ASCC2: variants seen among roughly 807,000 people sequenced by gnomAD.
ASCC2 encodes ASC-1 complex subunit P100.
Under a neutral mutation model 93.5 loss-of-function variants are expected in ASCC2, and 42 were observed. The ratio of observed to expected loss-of-function variants is 0.45; its 90% confidence interval spans 0.35 to 0.58. The LOEUF is 0.58. Ranked by LOEUF, ASCC2 falls within the 20% of genes least tolerant of loss-of-function variation. The pLI is 0.00. For missense variants in ASCC2, 859 were observed against 977.6 expected, an observed-to-expected ratio of 0.88 and a Z score of 1.62; for synonymous variants, 364 against 384.2, an observed-to-expected ratio of 0.95 and a Z score of 0.62.
At chr22:29,795,814 T>C (rs2058358240) in intron 15 of ASCC2, among the ~76,000 whole-genome samples, 1 of 152,070 alleles carries the variant, frequency 6.6e-6, no homozygotes, top group Admixed American at 6.6e-5. Context: ...TACCCAGGCC[T>C]GTGGAATGTA....
chr22:29,827,757 G>GACACACACACACACACAC lies in ASCC2; in HGVS notation c.82-1995_82-1978dup, dbSNP rs35763537. ...CTCAGGCCAGGCTACTCATTCTCCCGACACACACACACACACACACACACA... is the reference window on the plus strand; with the variant it reads ...CTCAGGCCAGGCTACTCATTCTCCCGACACACACACACACACACACACACACACACACACACACACACA... On this transcript the variant is annotated intron_variant, in intron 2 of 19. Coordinates refer to ENST00000307790, the MANE Select transcript of ASCC2 (RefSeq NM_032204.5). Among the ~76,000 whole-genome samples, 9 of 100,988 alleles carry GACACACACACACACACAC rather than the reference G, an allele frequency of 8.9e-5. 1 individual carries two copies. The highest frequency in any genetic ancestry group is 6.7e-4 in the East Asian group (2 of 3,000). The allele number at this position is 100,988 out of a possible 152,430, so 66.3% of individuals were successfully genotyped here. A position where few individuals can be genotyped will look rare whatever the true frequency, so the allele number is the denominator to read the frequency against.
chr22:29,806,765 C>T (rs1242320824), intron 10 of ASCC2, 32 bp downstream of exon 10: 3 of 1,564,364 alleles, frequency 1.9e-6, no homozygotes. Flanking sequence ...GGAGGAGACT[C>T]TTCCACCAGG....
At chr22:29,822,714 G>GTTTTTTTTTTT (rs2061724937) in intron 4 of ASCC2, among the ~76,000 whole-genome samples, 1 of 112,774 alleles carries the variant, frequency 8.9e-6, no homozygotes, top group Non-Finnish European at 1.8e-5. Flanking sequence ...GTATTATCAT[G>GTTTTTTTTTTT]TCTTTTTTTT....
intron 1 of ASCC2, among the ~76,000 whole-genome samples, chr22:29,836,073 T>C (rs529473050): frequency 3.3e-5 from 5 of 152,128 alleles, no homozygotes; most frequent in Admixed American, 6.6e-5. Context: ...GGAAGGAGAA[T>C]TGCTTGAGCC....
intron 12 of ASCC2, 117 bp from the exon 13 acceptor site, chr22:29,804,947 T>C (rs36572): frequency 0.52 from 596,913 of 1,140,770 alleles, 161,830 homozygotes; most frequent in East Asian, 0.72. Flanking sequence ...CTGGGCTATA[T>C]CTAAGTGGTA....
At chr22:29,821,819 A>AC (rs1188648542) in intron 5 of ASCC2, 1 of 353,006 alleles carries the variant, frequency 2.8e-6, no homozygotes, top group South Asian at 2.1e-5. Flanking sequence ...ACATAGTGAG[A>AC]CCCCATCTAC....
At chr22:29,812,073 C>A (rs1264681201) in intron 8 of ASCC2, among the ~76,000 whole-genome samples, 1 of 152,142 alleles carries the variant, frequency 6.6e-6, no homozygotes, top group Non-Finnish European at 1.5e-5. Flanking sequence ...GGCTCAATAA[C>A]CCTAATGTCT....
At chr22:29,833,226 G>A (rs73883320) in intron 1 of ASCC2, among the ~76,000 whole-genome samples, 12,234 of 152,242 alleles carry the variant, frequency 0.08, 538 homozygotes, top group African/African-American at 0.098. Context: ...GCACAGGATT[G>A]GTACAGAGGT....
intron 1 of ASCC2, among the ~76,000 whole-genome samples, chr22:29,836,853 T>C (rs549081596): frequency 7.9e-5 from 12 of 152,276 alleles, no homozygotes; most frequent in African/African-American, 2.9e-4. Context: ...GCCCGGCCAT[T>C]CAAATATTTT....
intron 15 of ASCC2, among the ~76,000 whole-genome samples, chr22:29,799,746 T>G (rs770332334): frequency 9.9e-5 from 15 of 152,230 alleles, no homozygotes; most frequent in Non-Finnish European, 1.6e-4. Flanking sequence ...CATCCAACTC[T>G]CTGTCCCTCT....
chr22:29,818,705 A>G (rs1034235650), intron 5 of ASCC2, among the ~76,000 whole-genome samples: 2 of 152,050 alleles, frequency 1.3e-5, no homozygotes, highest in African/African-American at 4.8e-5. Context: ...CCCAGGCAGT[A>G]AGTGAGTAGG....
chr22:29,796,282 G>C (rs766626192), intron 15 of ASCC2, among the ~76,000 whole-genome samples: 2 of 152,022 alleles, frequency 1.3e-5, no homozygotes, highest in South Asian at 2.1e-4. Context: ...CTAATTTTTT[G>C]TATTTTTTTT....
chr22:29,793,083 T>A (rs2147376929), intron 17 of ASCC2, among the ~76,000 whole-genome samples: 1 of 152,136 alleles, frequency 6.6e-6, no homozygotes, highest in African/African-American at 2.4e-5. Flanking sequence ...GTCCAGGAGG[T>A]CAAGGCTGCA....
At chr22:29,834,437 C>T (rs1202391959) in intron 1 of ASCC2, 4 of 465,648 alleles carry the variant, frequency 8.6e-6, no homozygotes, top group South Asian at 3.1e-5. Context: ...TGTGAAGATC[C>T]CCACCCTAGA....
At chr22:29,833,574 C>G in intron 1 of ASCC2, 1 of 471,084 alleles carries the variant, frequency 2.1e-6, no homozygotes, top group South Asian at 1.5e-5. Flanking sequence ...CCAAGGTCTC[C>G]TGTCTTGCTG....
intron 1 of ASCC2, among the ~76,000 whole-genome samples, chr22:29,835,784 A>T (rs1236851454): frequency 6.6e-6 from 1 of 152,240 alleles, no homozygotes; most frequent in Non-Finnish European, 1.5e-5. Flanking sequence ...TTCCTGGTTT[A>T]TTCAGCAAAC....
chr22:29,823,346 C>G (rs1465012551), intron 4 of ASCC2, among the ~76,000 whole-genome samples: 2 of 152,140 alleles, frequency 1.3e-5, no homozygotes, highest in African/African-American at 4.8e-5. Flanking sequence ...GCCCATTCTC[C>G]CTTTTAATGT....
At chr22:29,835,813 G>T (rs1260985055) in intron 1 of ASCC2, among the ~76,000 whole-genome samples, 1 of 152,184 alleles carries the variant, frequency 6.6e-6, no homozygotes, top group Non-Finnish European at 1.5e-5. Flanking sequence ...AATACAATCT[G>T]GGTCCTAGGC....
At chr22:29,793,754 CACAGGCTTA>C (rs1305787873) in intron 15 of ASCC2, 78 bp from the exon 16 acceptor site, 1 of 1,370,808 alleles carries the variant, frequency 7.3e-7, no homozygotes, top group East Asian at 2.5e-5. Flanking sequence ...GTCCAGAGAC[CACAGGCTTA>C]ACTGCTCCAG....
Sources: gnomAD v4.1 joint callset for allele counts (sites outside exome capture counted in the v4.1 genomes callset) on GRCh38, gnomAD v4.1.1 for gene constraint, MANE v1.5 for transcripts, NCBI Gene and HGNC (gene_info 2026-07-23, HGNC 2026-07-21) for gene names.